CAMKMT: variants seen among roughly 807,000 people sequenced by gnomAD.
CAMKMT encodes CaM KMT.
Under a neutral mutation model 48.0 loss-of-function variants are expected in CAMKMT, and 53 were observed. That is an observed-to-expected ratio of 1.10 (90% confidence interval 0.89 to 1.39). CAMKMT has a LOEUF of 1.39. Ranked by LOEUF, CAMKMT falls within the 40% of genes most tolerant of loss-of-function variation. The pLI is 0.00. For missense variants in CAMKMT, 428 were observed against 402.7 expected (o/e 1.06, Z -0.54); for synonymous variants, 165 against 152.3 (o/e 1.08, Z -0.61).
chr2:44,446,066 G>A lies in CAMKMT; in HGVS notation c.376+55761G>A, dbSNP rs187247673. ...TGTGACAGCCAAGTATAAAGGGGTCGCTAGAGAACCTCTGGGACTACAGGT... is the reference window on the plus strand; with the variant it reads ...TGTGACAGCCAAGTATAAAGGGGTCACTAGAGAACCTCTGGGACTACAGGT... On this transcript the variant is annotated intron_variant, in intron 3 of 10. Coordinates refer to ENST00000378494, the MANE Select transcript of CAMKMT (RefSeq NM_024766.5). 2.2e-4 allele frequency among the ~76,000 whole-genome samples: 33 copies of A among 152,094 alleles called. No homozygotes were observed. In the East Asian group the frequency reaches 2.9e-3, roughly 13 times the overall value.
intron 3 of CAMKMT, among the ~76,000 whole-genome samples, chr2:44,537,956 T>A (rs1251608859): frequency 6.6e-6 from 1 of 152,196 alleles, no homozygotes; most frequent in African/African-American, 2.4e-5. Flanking sequence ...CTACTGGGTA[T>A]CTACCCAACG....
intron 3 of CAMKMT, among the ~76,000 whole-genome samples, chr2:44,543,044 G>T (rs914087628): frequency 6.6e-6 from 1 of 152,116 alleles, no homozygotes; most frequent in Non-Finnish European, 1.5e-5. Context: ...GCAAATTATC[G>T]TTTACTAGTA....
At chr2:44,514,172 G>A (rs1670719358) in intron 3 of CAMKMT, among the ~76,000 whole-genome samples, 1 of 151,974 alleles carries the variant, frequency 6.6e-6, no homozygotes, top group South Asian at 2.1e-4. Flanking sequence ...ATAGAAGCCA[G>A]CAGGAAAAGC....
At chr2:44,518,944 C>T (rs939369551) in intron 3 of CAMKMT, among the ~76,000 whole-genome samples, 1 of 152,074 alleles carries the variant, frequency 6.6e-6, no homozygotes, top group African/African-American at 2.4e-5. Context: ...CCAGTATATA[C>T]CTACCATAAT....
intron 2 of CAMKMT, among the ~76,000 whole-genome samples, chr2:44,384,479 A>T (rs1459266429): frequency 2.0e-5 from 3 of 146,404 alleles, no homozygotes; most frequent in African/African-American, 7.6e-5. Context: ...TCCTTAGTTT[A>T]ATTAGATCTC....
At chr2:44,670,460 G>T (rs1295483476) in intron 3 of CAMKMT, among the ~76,000 whole-genome samples, 2 of 151,870 alleles carry the variant, frequency 1.3e-5, no homozygotes, top group Non-Finnish European at 2.9e-5. Flanking sequence ...ACTCCAGACT[G>T]GGCAGCAGAG....
At chr2:44,660,645 C>G (rs952837788) in intron 3 of CAMKMT, among the ~76,000 whole-genome samples, 3 of 152,192 alleles carry the variant, frequency 2.0e-5, no homozygotes, top group African/African-American at 7.2e-5. Context: ...GAGACAGGGT[C>G]TCACGCTGAT....
At chr2:44,449,544 T>G (rs1486488468) in intron 3 of CAMKMT, among the ~76,000 whole-genome samples, 1 of 152,178 alleles carries the variant, frequency 6.6e-6, no homozygotes, top group East Asian at 1.9e-4. Context: ...ATTTCTAGAT[T>G]AACCTTTTAT....
At chr2:44,548,216 C>T (rs563442158) in intron 3 of CAMKMT, among the ~76,000 whole-genome samples, 40 of 152,292 alleles carry the variant, frequency 2.6e-4, no homozygotes, top group Non-Finnish European at 5.0e-4. Context: ...AGCTCGAAGT[C>T]CCCTCCTGCC....
rs1324514193 is a variant in CAMKMT at position 44,389,009 on chromosome 2, A to G, written c.312-1232A>G. On this transcript the variant is annotated intron_variant, in intron 2 of 10. Coordinates refer to ENST00000378494, the MANE Select transcript of CAMKMT (RefSeq NM_024766.5). Reference sequence around the variant, plus strand: ...CTCCTGCTGGGAGGTGGTGCTTTCCAGAGAGCATCAACTGTAGTAATACGG... The same window carrying G: ...CTCCTGCTGGGAGGTGGTGCTTTCCGGAGAGCATCAACTGTAGTAATACGG... 3.3e-5 allele frequency among the ~76,000 whole-genome samples: 5 copies of G among 152,184 alleles called. No individual in the cohort carries two copies. In the South Asian group the frequency reaches 8.3e-4, roughly 25 times the overall value.
chr2:44,374,511 G>A lies in CAMKMT; in HGVS notation c.311+1623G>A, dbSNP rs543264687. 5.9e-5 allele frequency among the ~76,000 whole-genome samples: 9 copies of A among 152,302 alleles called. 1 individual carries two copies. The South Asian group carries it at 6.2e-4, about 11-fold the overall frequency. ...ATCCACTGGTGAAAAGAGACAATAA[G>A]TATAAATTATAGCAAGAATAATTTC... is the stretch of plus-strand genomic sequence containing the variant. On this transcript the variant is annotated intron_variant, in intron 2 of 10. Coordinates refer to ENST00000378494, the MANE Select transcript of CAMKMT (RefSeq NM_024766.5).
rs185843650 is a variant in CAMKMT, at chr2:44,434,257, C to T, written c.376+43952C>T. Reference sequence around the variant, plus strand: ...TTTTTTTTGGTGTTGGTTGAGGTTTCCATTGATAGAATATTTTAGACTTTT... The same window carrying T: ...TTTTTTTTGGTGTTGGTTGAGGTTTTCATTGATAGAATATTTTAGACTTTT... On this transcript the variant is annotated intron_variant, in intron 3 of 10. Coordinates refer to ENST00000378494, the MANE Select transcript of CAMKMT (RefSeq NM_024766.5). 1.6e-3 allele frequency among the ~76,000 whole-genome samples: 235 copies of T among 149,984 alleles called. 1 individual carries two copies. The highest frequency in any genetic ancestry group is 1.4e-3 in the Non-Finnish European group (96 of 67,516).
chr2:44,631,648 G>A, intron 3 of CAMKMT: 1 of 425,248 alleles, frequency 2.4e-6, no homozygotes, highest in Middle Eastern at 3.0e-4. Flanking sequence ...CTTGGATTTT[G>A]AGCCCATCTG....
At chr2:44,765,457 A>G (rs918595233) in intron 9 of CAMKMT, among the ~76,000 whole-genome samples, 1 of 152,132 alleles carries the variant, frequency 6.6e-6, no homozygotes, top group Non-Finnish European at 1.5e-5. Flanking sequence ...CTCAAAACCT[A>G]AAGAGGCATT....
At chr2:44,581,350 C>G (rs116318337) in intron 3 of CAMKMT, among the ~76,000 whole-genome samples, 1,937 of 152,208 alleles carry the variant, frequency 0.013, 36 homozygotes, top group African/African-American at 0.044. Context: ...TTAAGCTAAG[C>G]AAATGGGCTA....
intron 3 of CAMKMT, among the ~76,000 whole-genome samples, chr2:44,665,762 A>G (rs1674932831): frequency 6.6e-6 from 1 of 152,172 alleles, no homozygotes; most frequent in Non-Finnish European, 1.5e-5. Flanking sequence ...GTGTTTGTTG[A>G]ATGAGTGAAT....
At chr2:44,764,433 G>T (rs984509156) in intron 9 of CAMKMT, among the ~76,000 whole-genome samples, 2 of 152,050 alleles carry the variant, frequency 1.3e-5, no homozygotes, top group African/African-American at 4.8e-5. Context: ...CTCACAATTT[G>T]TCGGGGGGAA....
chr2:44,598,968 G>A (rs924087234), intron 3 of CAMKMT, among the ~76,000 whole-genome samples: 1 of 151,852 alleles, frequency 6.6e-6, no homozygotes, highest in African/African-American at 2.4e-5. Flanking sequence ...GAAAAGCATA[G>A]CATTTTTGTC....
At chr2:44,557,107 G>A (rs1030747052) in intron 3 of CAMKMT, among the ~76,000 whole-genome samples, 6 of 152,080 alleles carry the variant, frequency 3.9e-5, no homozygotes, top group Admixed American at 2.0e-4. Context: ...TCTAGACATA[G>A]GATTCATTCA....
Sources: allele counts gnomAD v4.1 joint callset (sites outside exome capture counted in the v4.1 genomes callset), GRCh38; gene constraint gnomAD v4.1.1; transcripts MANE v1.5; gene names NCBI Gene and HGNC (gene_info 2026-07-23, HGNC 2026-07-21).